RNF38: variants seen among roughly 807,000 people sequenced by gnomAD.
RNF38 encodes ring finger protein 38.
A neutral mutation model predicts 67.2 loss-of-function variants in RNF38; 15 were observed. The observed-to-expected ratio is 0.22, with a 90% CI of 0.15 to 0.34. The LOEUF is 0.34. Ranked by LOEUF, RNF38 falls within the 10% of genes least tolerant of loss-of-function variation. RNF38 has a pLI of 1.00. For missense variants in RNF38, 524 were observed against 639.9 expected (o/e 0.82, Z 1.95); for synonymous variants, 220 against 218.8 (o/e 1.01, Z -0.05).
chr9:36,347,318 A>ACTTTACTGCGCTTTG (rs1273288753), intron 9 of RNF38, among the ~76,000 whole-genome samples: 1 of 152,198 alleles, frequency 6.6e-6, no homozygotes, highest in African/African-American at 2.4e-5. Flanking sequence ...GGCATATTTC[A>ACTTTACTGCGCTTTG]CTTTACTGCG....
intron 3 of RNF38, among the ~76,000 whole-genome samples, chr9:36,371,249 C>A (rs1163561549): frequency 2.6e-5 from 4 of 152,162 alleles, no homozygotes; most frequent in Non-Finnish European, 5.9e-5. Context: ...ATTCTCCAAT[C>A]TTAAGAGAAC....
At chr9:36,374,011 G>A (rs1429063613) in intron 3 of RNF38, among the ~76,000 whole-genome samples, 8 of 152,082 alleles carry the variant, frequency 5.3e-5, no homozygotes, top group Non-Finnish European at 1.0e-4. Flanking sequence ...CTGTACATTT[G>A]TTTTATTCAT....
At chr9:36,459,105 G>A (rs1245552900) in intron 1 of RNF38, among the ~76,000 whole-genome samples, 1 of 151,970 alleles carries the variant, frequency 6.6e-6, no homozygotes, top group Non-Finnish European at 1.5e-5. Flanking sequence ...CTACTCAGGA[G>A]GCTGAGGCAG....
intron 1 of RNF38, among the ~76,000 whole-genome samples, chr9:36,446,067 T>C (rs746180700): frequency 6.6e-6 from 1 of 152,116 alleles, no homozygotes; most frequent in Non-Finnish European, 1.5e-5. Context: ...CCACCAAGCT[T>C]TGTGATGTGC....
chr9:36,420,779 T>C (rs1039230058), intron 2 of RNF38, among the ~76,000 whole-genome samples: 4 of 152,130 alleles, frequency 2.6e-5, no homozygotes, highest in Non-Finnish European at 4.4e-5. Flanking sequence ...CTAGAAATTA[T>C]GGAATATGGC....
At chr9:36,468,353 A>G (rs965040817) in intron 1 of RNF38, among the ~76,000 whole-genome samples, 1 of 152,190 alleles carries the variant, frequency 6.6e-6, no homozygotes, top group Admixed American at 6.5e-5. Flanking sequence ...TGCTACCCTG[A>G]GAGGTGAAGG....
intron 3 of RNF38, chr9:36,372,732 T>C (rs1170258694): frequency 5.0e-5 from 23 of 460,800 alleles, no homozygotes; most frequent in Non-Finnish European, 3.8e-6. Context: ...ATGATGCTTT[T>C]CAAAGAACTC....
intron 1 of RNF38, among the ~76,000 whole-genome samples, chr9:36,469,521 C>T (rs1056266655): frequency 7.3e-5 from 11 of 151,476 alleles, no homozygotes; most frequent in African/African-American, 9.7e-5. Context: ...ATTAGCCAGG[C>T]GTGGTGGCAT....
At chr9:36,462,267 G>A (rs902292970) in intron 1 of RNF38, among the ~76,000 whole-genome samples, 4 of 152,102 alleles carry the variant, frequency 2.6e-5, no homozygotes, top group Non-Finnish European at 5.9e-5. Flanking sequence ...CAACCAGCCT[G>A]TATGCAACTT....
At chr9:36,415,377 GT>G (rs1838436094) in intron 2 of RNF38, among the ~76,000 whole-genome samples, 1 of 151,572 alleles carries the variant, frequency 6.6e-6, no homozygotes, top group Admixed American at 6.6e-5. Flanking sequence ...TGTGATTGTT[GT>G]TTTATTGATT....
chr9:36,419,676 T>C (rs1210808223), intron 2 of RNF38, among the ~76,000 whole-genome samples: 1 of 152,194 alleles, frequency 6.6e-6, no homozygotes, highest in Non-Finnish European at 1.5e-5. Flanking sequence ...AAGTGAAACA[T>C]GACTACAGGT....
chr9:36,400,306 C>G, upstream of RNF38: 1 of 1,275,998 alleles, frequency 7.8e-7, no homozygotes, highest in South Asian at 2.6e-5. Context: ...TCCGCGTTCT[C>G]CTGGGTGACA....
intron 1 of RNF38, among the ~76,000 whole-genome samples, chr9:36,478,220 T>C (rs1428227049): frequency 6.6e-6 from 1 of 151,010 alleles, no homozygotes; most frequent in Non-Finnish European, 1.5e-5. Flanking sequence ...CTGGCTAACA[T>C]GGTGAAACCC....
intron 10 of RNF38, among the ~76,000 whole-genome samples, chr9:36,343,626 T>G (rs1833008079): frequency 6.6e-6 from 1 of 152,150 alleles, no homozygotes; most frequent in Admixed American, 6.5e-5. Flanking sequence ...AAAGCCATTA[T>G]TTAGCTTTGG....
chr9:36,425,831 G>A (rs1231661676), intron 1 of RNF38, among the ~76,000 whole-genome samples: 1 of 152,206 alleles, frequency 6.6e-6, no homozygotes, highest in Non-Finnish European at 1.5e-5. Flanking sequence ...CTGAGTAGCT[G>A]GGATCACAGG....
chr9:36,371,443 C>CT (rs537986184), intron 3 of RNF38, among the ~76,000 whole-genome samples: 2,048 of 131,478 alleles, frequency 0.016, 38 homozygotes, highest in African/African-American at 0.035. Context: ...GGACTAAAAG[C>CT]TTTTTTTTTT....
intron 1 of RNF38, among the ~76,000 whole-genome samples, chr9:36,399,359 T>C (rs1304580024): frequency 6.6e-6 from 1 of 152,002 alleles, no homozygotes; most frequent in Non-Finnish European, 1.5e-5. Flanking sequence ...TATTCAACTA[T>C]AGGCGCTAAG....
At chr9:36,479,939 G>A (rs577635614) in intron 1 of RNF38, among the ~76,000 whole-genome samples, 183 of 152,150 alleles carry the variant, frequency 1.2e-3, no homozygotes, top group Non-Finnish European at 2.1e-3. Flanking sequence ...GTCTCTTTAA[G>A]TATGAGTTCC....
At chr9:36,468,242 A>T (rs980970297) in intron 1 of RNF38, among the ~76,000 whole-genome samples, 10 of 53,504 alleles carry the variant, frequency 1.9e-4, no homozygotes, top group African/African-American at 3.1e-4. Flanking sequence ...GTTCTGTCTT[A>T]AAAAAAAAAA....
Sources: gnomAD v4.1 joint callset for allele counts (sites outside exome capture counted in the v4.1 genomes callset) on GRCh38, gnomAD v4.1.1 for gene constraint, MANE v1.5 for transcripts, NCBI Gene and HGNC (gene_info 2026-07-23, HGNC 2026-07-21) for gene names.